The following MAP4 variants were observed in gnomAD, a reference collection of about 807,000 sequenced individuals.
MAP4 encodes the protein microtubule-associated protein 4.
In MAP4, 76 loss-of-function variants were observed where a neutral mutation model predicts 170.2. That is an observed-to-expected ratio of 0.45 (90% CI 0.37 to 0.54). The LOEUF (loss-of-function observed/expected upper bound fraction) is 0.54, where lower values mean the gene tolerates loss of function less well. Ranked by LOEUF, MAP4 falls within the 20% of genes least tolerant of loss-of-function variation. MAP4 has a pLI of 0.00. For synonymous variants in MAP4, 909 were observed against 994.5 expected, an observed-to-expected ratio of 0.91 and a Z score of 1.62; for missense variants, 2,506 against 2,748.0, an observed-to-expected ratio of 0.91 and a Z score of 1.97.
intron 2 of MAP4, among the ~76,000 whole-genome samples, chr3:47,984,879 G>C (rs2100087641): frequency 6.6e-6 from 1 of 152,024 alleles, no homozygotes; most frequent in South Asian, 2.1e-4. Context: ...TGAGGCAGGA[G>C]AATCACTTGA....
chr3:47,892,263 G>A (rs920970160), intron 10 of MAP4: 2 of 1,536,214 alleles, frequency 1.3e-6, no homozygotes, highest in African/African-American at 2.7e-5. Flanking sequence ...AAAAAGCAGA[G>A]CTTGTTCTGC....
At position 47,851,028 on chromosome 3, in the gene MAP4, G is replaced by A. The variant is rs1016810141; in HGVS notation, c.*1906C>T. 11 of 152,134 alleles carry A rather than the reference G, an allele frequency of 7.2e-5. No individual in the cohort carries two copies. Among genetic ancestry groups the A allele is most frequent in the African/African-American group, 2.2e-4 (9 of 41,374 alleles). 9.4% of individuals were successfully genotyped at this position (152,134 alleles called of 1,614,324 possible). A position where few individuals can be genotyped will look rare whatever the true frequency, so the allele number is the denominator to read the frequency against. ...GCATCCTCATGACCCCAGGACAGAC[G>A]CAGTGGAGGCAGCAGGTACTCTGGG... On this transcript the variant is annotated 3_prime_UTR_variant, in exon 21 of 21. Coordinates refer to ENST00000683076, the MANE Select transcript of MAP4 (RefSeq NM_001385682.1).
intron 1 of MAP4, among the ~76,000 whole-genome samples, chr3:48,086,081 T>C (rs994687388): frequency 2.0e-5 from 3 of 150,422 alleles, no homozygotes; most frequent in Non-Finnish European, 2.9e-5. Context: ...TGTGTGTATA[T>C]GTATGTATGT....
chr3:47,891,956 T>G (rs757968618), intron 10 of MAP4: 5 of 1,536,154 alleles, frequency 3.3e-6, no homozygotes, highest in Non-Finnish European at 4.4e-6. Flanking sequence ...ACTGGTTTCC[T>G]GCTCCTTAAC....
rs891736238 is a variant in MAP4, at chr3:47,853,221, C to T, written c.6828G>A (p.Leu2276=). Reference sequence around the variant, plus strand: ...CCTCCCTTTGGTCACCACCCCCTGACAGGGTGGGGTGGCCATTGAGGCCAC... The same window carrying T: ...CCTCCCTTTGGTCACCACCCCCTGATAGGGTGGGGTGGCCATTGAGGCCAC... ...SASGLNGHPT[L]SGGGDQREAQ... The change falls in exon 20 of 21, where the codon CTG becomes CTA. Residue 2276 remains leucine (L), a synonymous_variant. Transcript: ENST00000683076. 3 of 1,580,066 alleles carry T rather than the reference C, an allele frequency of 1.9e-6. No individual in the cohort carries two copies. Among genetic ancestry groups the T allele is most frequent in the Non-Finnish European group, 2.6e-6 (3 of 1,161,970 alleles).
intron 3 of MAP4, among the ~76,000 whole-genome samples, chr3:47,972,360 TTGAA>T (rs1349479919): frequency 3.0e-4 from 45 of 152,306 alleles, no homozygotes; most frequent in Admixed American, 1.3e-3. Context: ...TAGGAAGACT[TTGAA>T]TGTGAATTTT....
chr3:47,954,125 T>A (rs1258690567), intron 3 of MAP4, among the ~76,000 whole-genome samples: 3 of 152,170 alleles, frequency 2.0e-5, no homozygotes, highest in African/African-American at 7.2e-5. Context: ...TGTGTCCCTG[T>A]TCCCCTAGAC....
rs1291573857 is a variant in MAP4, at chr3:47,867,280, T to C, written c.6467A>G (p.Lys2156Arg). ...YSHIQSKCGS[K>R]DNIKHVPGGG... ...TCCAGGGACATGCTTAATATTGTCCTTGGAACCACACTTGGACTGAATATG... is the reference window on the plus strand; with the variant it reads ...TCCAGGGACATGCTTAATATTGTCCCTGGAACCACACTTGGACTGAATATG... Residue 2156 changes from lysine to arginine, a missense_variant, in exon 17 of 21, where the codon AAG becomes AGG. This residue lies in a region of MAP4 where 487 missense variants were observed against 511.6 expected (regional missense o/e 0.95). Transcript: ENST00000683076. 1.2e-6 allele frequency: 2 copies of C among 1,613,508 alleles called. No individual in the cohort carries two copies. The highest frequency in any genetic ancestry group is 2.7e-5 in the African/African-American group (2 of 74,906).
chr3:48,071,774 C>T (rs1329453708), intron 1 of MAP4, among the ~76,000 whole-genome samples: 1 of 151,502 alleles, frequency 6.6e-6, no homozygotes, highest in Non-Finnish European at 1.5e-5. Context: ...TGTGGTGGTG[C>T]GTACCTGTAG....
intron 4 of MAP4, among the ~76,000 whole-genome samples, chr3:47,927,530 C>T (rs1577752729): frequency 6.6e-6 from 1 of 152,104 alleles, no homozygotes; most frequent in Non-Finnish European, 1.5e-5. Context: ...GGCTGGGGTG[C>T]AGTGGCGCGA....
At position 47,916,018 on chromosome 3, in the gene MAP4, C is replaced by T; in HGVS notation, c.1809G>A (p.Glu603=). 6.2e-7 allele frequency: 1 copy of T among 1,614,176 alleles called. No individual in the cohort carries two copies. The highest frequency in any genetic ancestry group is 8.5e-7 in the Non-Finnish European group (1 of 1,179,982). ...EIAQTQKGIS[E]DSHLESLQDV... Reference sequence around the variant, plus strand: ...CCTGCAGAGATTCTAAATGGGAATCCTCACTTATTCCTTTTTGTGTTTGTG... The same window carrying T: ...CCTGCAGAGATTCTAAATGGGAATCTTCACTTATTCCTTTTTGTGTTTGTG... Residue 603 remains glutamate (E), a synonymous_variant, in exon 7 of 21, where the codon GAG becomes GAA. Coordinates refer to ENST00000683076, the MANE Select transcript of MAP4 (RefSeq NM_001385682.1).
At chr3:47,946,976 A>G (rs2100060437) in intron 3 of MAP4, among the ~76,000 whole-genome samples, 1 of 152,226 alleles carries the variant, frequency 6.6e-6, no homozygotes, top group Non-Finnish European at 1.5e-5. Flanking sequence ...CTGTATTCAT[A>G]TCCACGCTCA....
intron 1 of MAP4, among the ~76,000 whole-genome samples, chr3:48,040,269 A>AT (rs930549658): frequency 1.1e-4 from 16 of 152,022 alleles, no homozygotes; most frequent in Admixed American, 5.2e-4. Context: ...ATTTATTTTT[A>AT]TTTTTTTATT....
At chr3:47,937,446 C>T (rs2100053630) in intron 3 of MAP4, among the ~76,000 whole-genome samples, 1 of 152,024 alleles carries the variant, frequency 6.6e-6, no homozygotes, top group African/African-American at 2.4e-5. Flanking sequence ...ATATTAAAAG[C>T]AATATGTTTT....
intron 1 of MAP4, among the ~76,000 whole-genome samples, chr3:48,009,352 C>A (rs910182724): frequency 6.6e-6 from 1 of 152,300 alleles, no homozygotes; most frequent in South Asian, 2.1e-4. Context: ...CTGCCTGCCT[C>A]GGCCTCCCAA....
intron 16 of MAP4, 29 bp from the exon 17 acceptor site, chr3:47,867,367 C>T: frequency 2.0e-6 from 3 of 1,476,464 alleles, no homozygotes; most frequent in South Asian, 1.1e-5. Flanking sequence ...GAAAAAACAA[C>T]ACAAAGGGAG....
intron 3 of MAP4, among the ~76,000 whole-genome samples, chr3:47,969,571 C>T (rs918149911): frequency 2.6e-5 from 4 of 152,154 alleles, no homozygotes; most frequent in African/African-American, 9.6e-5. Context: ...CTTGGTTAGA[C>T]ACTTCTTGTG....
chr3:47,872,179 T>C (rs2093544633), intron 12 of MAP4, 79 bp from the exon 13 acceptor site: 1 of 1,296,832 alleles, frequency 7.7e-7, no homozygotes, highest in Non-Finnish European at 1.1e-6. Context: ...GCTTCTTTTT[T>C]TGTTTGTTTT....
At chr3:47,945,832 C>T (rs2100059493) in intron 3 of MAP4, among the ~76,000 whole-genome samples, 1 of 151,746 alleles carries the variant, frequency 6.6e-6, no homozygotes, top group Non-Finnish European at 1.5e-5. Context: ...TGACCTCAGT[C>T]TCCCAAGTAT....
Sources: allele counts gnomAD v4.1 joint callset (sites outside exome capture counted in the v4.1 genomes callset), GRCh38; gene constraint gnomAD v4.1.1; regional missense constraint gnomAD v4.1.1; transcripts MANE v1.5; gene names NCBI Gene and HGNC (gene_info 2026-07-23, HGNC 2026-07-21).